The following GLCE variants were observed in gnomAD, a reference collection of about 807,000 sequenced individuals.
GLCE encodes the protein glucuronic acid epimerase, also known as D-glucuronyl C5-epimerase.
GLCE carries 19 observed loss-of-function variants against 47.9 expected under a neutral mutation model. The observed-to-expected ratio is 0.40, with a 90% CI of 0.28 to 0.58. GLCE has a LOEUF of 0.58. Ranked by LOEUF, GLCE falls within the 20% of genes least tolerant of loss-of-function variation. GLCE has a pLI of 0.48. For missense variants in GLCE, 556 were observed against 743.3 expected, an observed-to-expected ratio of 0.75 and a Z score of 2.93; for synonymous variants, 245 against 263.4, an observed-to-expected ratio of 0.93 and a Z score of 0.68.
chr15:69,259,142 G>A (rs966790034), intron 3 of GLCE, among the ~76,000 whole-genome samples: 2 of 152,070 alleles, frequency 1.3e-5, no homozygotes, highest in Admixed American at 6.6e-5. Flanking sequence ...AACTAGTGAG[G>A]TCAGATATCT....
In GLCE at chr15:69,269,088, G is replaced by A; in HGVS notation, c.1698G>A (p.Met566Ile). The A allele has an allele frequency of 6.2e-7, 1 of 1,614,152 alleles. No homozygotes were observed. Among genetic ancestry groups the A allele is most frequent in the Non-Finnish European group, 8.5e-7 (1 of 1,180,036 alleles). Residue 566 changes from methionine (M) to isoleucine (I), a missense_variant, in exon 5 of 5, where the codon ATG (methionine) becomes ATA (isoleucine). Physicochemically the swap from Met to Ile is conservative, Grantham distance 10. This residue lies in a region of GLCE where 245 missense variants were observed against 368.1 expected (regional missense o/e 0.67). Coordinates refer to ENST00000261858, the MANE Select transcript of GLCE (RefSeq NM_015554.3). Reference protein sequence around the residue: ...SGTIYDLRHFMLGIAPNLARW... With the variant: ...SGTIYDLRHFILGIAPNLARW... ...CCATCTATGACCTCCGTCACTTCAT[G>A]CTTGGCATCGCTCCTAACCTGGCTC...
intron 2 of GLCE, among the ~76,000 whole-genome samples, chr15:69,224,582 A>T (rs574855780): frequency 8.8e-4 from 134 of 152,232 alleles, no homozygotes; most frequent in African/African-American, 3.0e-3. Context: ...CACCCATGTG[A>T]TCTTTGGCAA....
At chr15:69,244,472 A>G (rs2052720042) in intron 2 of GLCE, among the ~76,000 whole-genome samples, 1 of 152,196 alleles carries the variant, frequency 6.6e-6, no homozygotes, top group African/African-American at 2.4e-5. Context: ...AGACCTGTGA[A>G]TGTCTGAATT....
At chr15:69,167,884 A>G (rs1458576556) in intron 1 of GLCE, among the ~76,000 whole-genome samples, 1 of 149,480 alleles carries the variant, frequency 6.7e-6, no homozygotes, top group African/African-American at 2.5e-5. Context: ...ACTTTCCTTC[A>G]GCCACACTCC....
At chr15:69,198,614 C>G (rs944722050) in intron 1 of GLCE, among the ~76,000 whole-genome samples, 1 of 152,102 alleles carries the variant, frequency 6.6e-6, no homozygotes, top group Admixed American at 6.6e-5. Context: ...AGCAAACAAG[C>G]AAGAGGGCAA....
chr15:69,257,156 A>G (rs2052937324), intron 3 of GLCE, among the ~76,000 whole-genome samples: 1 of 152,166 alleles, frequency 6.6e-6, no homozygotes, highest in Non-Finnish European at 1.5e-5. Flanking sequence ...TCTGGAAAGA[A>G]GTTTGTGCTC....
At chr15:69,208,500 C>T (rs962020503) in intron 1 of GLCE, among the ~76,000 whole-genome samples, 1 of 152,018 alleles carries the variant, frequency 6.6e-6, no homozygotes, top group South Asian at 2.1e-4. Context: ...ATTGATCTCT[C>T]CCTTCAGCAA....
chr15:69,256,053 A>G lies in GLCE; in HGVS notation c.247A>G (p.Lys83Glu). The change falls in exon 3 of 5, where the codon AAA (lysine) becomes GAA (glutamate). Residue 83 changes from lysine to glutamate, a missense_variant. Lys to Glu is a moderately conservative substitution (Grantham distance 56, BLOSUM62 1). Around this residue, in one of 3 missense-constraint regions of GLCE, gnomAD observed 237 missense variants for 310.9 expected, o/e 0.76. Transcript: ENST00000261858. Reference sequence around the variant, plus strand: ...GGAAGCATTCCCTCAGGAACAGCAGAAAGCACCCCCTGTTGTTGGGGGCTT... The same window carrying G: ...GGAAGCATTCCCTCAGGAACAGCAGGAAGCACCCCCTGTTGTTGGGGGCTT... ...SEEAFPQEQQKAPPVVGGFNS... is the reference protein window; with the variant it reads ...SEEAFPQEQQEAPPVVGGFNS... 6.2e-7 allele frequency: 1 copy of G among 1,614,118 alleles called. No individual in the cohort carries two copies. The highest frequency in any genetic ancestry group is 8.5e-7 in the Non-Finnish European group (1 of 1,179,986).
intron 4 of GLCE, among the ~76,000 whole-genome samples, chr15:69,267,549 C>G (rs1223372072): frequency 6.6e-6 from 1 of 152,210 alleles, no homozygotes; most frequent in Non-Finnish European, 1.5e-5. Flanking sequence ...TATGTGAAAA[C>G]AAATCTATCA....
intron 2 of GLCE, among the ~76,000 whole-genome samples, chr15:69,242,889 TAAAAATA>T (rs1311958865): frequency 1.3e-5 from 2 of 150,564 alleles, no homozygotes; most frequent in Non-Finnish European, 3.0e-5. Flanking sequence ...CTACTAAAAA[TAAAAATA>T]AAAAATAAAA....
intron 2 of GLCE, among the ~76,000 whole-genome samples, chr15:69,222,656 T>G (rs12101868): frequency 0.12 from 18,652 of 152,138 alleles, 1,213 homozygotes; most frequent in East Asian, 0.16. Flanking sequence ...AGTGTGATTT[T>G]CTCAGATTGT....
chr15:69,261,445 T>A, intron 4 of GLCE, 116 bp downstream of exon 4: 1 of 937,760 alleles, frequency 1.1e-6, no homozygotes, highest in East Asian at 2.4e-5. Context: ...TTATATTACA[T>A]ATATAAAGTA....
intron 1 of GLCE, among the ~76,000 whole-genome samples, chr15:69,199,839 G>C (rs763133337): frequency 2.0e-5 from 3 of 152,058 alleles, no homozygotes; most frequent in Non-Finnish European, 4.4e-5. Flanking sequence ...TTTTAAACAC[G>C]CCCCAGGTGA....
At chr15:69,210,826 T>C (rs1050883923) in intron 2 of GLCE, among the ~76,000 whole-genome samples, 1 of 152,144 alleles carries the variant, frequency 6.6e-6, no homozygotes, top group Admixed American at 6.6e-5. Flanking sequence ...ACCCACTTAA[T>C]ACATATTGTG....
chr15:69,214,613 A>G (rs946871546), intron 2 of GLCE, among the ~76,000 whole-genome samples: 2 of 152,132 alleles, frequency 1.3e-5, no homozygotes, highest in South Asian at 2.1e-4. Flanking sequence ...AATTACATAT[A>G]CCAACTCACA....
intron 2 of GLCE, among the ~76,000 whole-genome samples, 180 bp downstream of exon 2, chr15:69,210,586 A>C (rs1221754465): frequency 1.3e-5 from 2 of 152,082 alleles, no homozygotes; most frequent in Non-Finnish European, 2.9e-5. Context: ...TAAATTTCCC[A>C]GTCTAATCTG....
At chr15:69,247,190 G>A (rs1048177168) in intron 2 of GLCE, among the ~76,000 whole-genome samples, 1 of 152,190 alleles carries the variant, frequency 6.6e-6, no homozygotes, top group Non-Finnish European at 1.5e-5. Context: ...AGACTGCTTT[G>A]TCTACATTGA....
intron 2 of GLCE, among the ~76,000 whole-genome samples, chr15:69,240,183 A>G (rs1409222636): frequency 6.6e-6 from 1 of 151,784 alleles, no homozygotes; most frequent in African/African-American, 2.4e-5. Context: ...TCACATCTCT[A>G]TCATGAAGTA....
At chr15:69,224,461 A>C (rs2052418434) in intron 2 of GLCE, among the ~76,000 whole-genome samples, 1 of 152,214 alleles carries the variant, frequency 6.6e-6, no homozygotes, top group Admixed American at 6.5e-5. Flanking sequence ...TACAGGAAGA[A>C]AAATTGGCTC....
Sources: allele counts gnomAD v4.1 joint callset (sites outside exome capture counted in the v4.1 genomes callset), GRCh38; gene constraint gnomAD v4.1.1; regional missense constraint gnomAD v4.1.1; transcripts MANE v1.5; gene names NCBI Gene and HGNC (gene_info 2026-07-23, HGNC 2026-07-21).